Variants in SPATS2 observed in about 807,000 individuals in gnomAD.
SPATS2 encodes spermatogenesis associated serine rich 2, also known as spermatogenesis-associated serine-rich protein 2.
SPATS2 carries 38 observed loss-of-function variants against 63.7 expected under a neutral mutation model. The ratio of observed to expected loss-of-function variants is 0.60; its 90% CI spans 0.46 to 0.78. The LOEUF is 0.78. Ranked by LOEUF, SPATS2 falls within the 30% of genes least tolerant of loss-of-function variation. The pLI is 0.00. For synonymous variants in SPATS2, 207 were observed against 232.9 expected, an observed-to-expected ratio of 0.89 and a Z score of 1.01; for missense variants, 588 against 666.2, an observed-to-expected ratio of 0.88 and a Z score of 1.29.
At chr12:49,440,064 C>G (rs188929408) in intron 2 of SPATS2, among the ~76,000 whole-genome samples, 20 of 152,274 alleles carry the variant, frequency 1.3e-4, no homozygotes, top group African/African-American at 4.8e-4. Context: ...CTCTGATATG[C>G]TTTCTTTAGC....
intron 2 of SPATS2, among the ~76,000 whole-genome samples, chr12:49,442,850 T>C (rs1945447183): frequency 6.9e-6 from 1 of 143,910 alleles, no homozygotes; most frequent in African/African-American, 2.5e-5. Context: ...ACCATTCATG[T>C]CCAGAACTCT....
At chr12:49,397,299 A>G (rs950850527) in intron 2 of SPATS2, among the ~76,000 whole-genome samples, 18 of 152,122 alleles carry the variant, frequency 1.2e-4, no homozygotes, top group African/African-American at 4.3e-4. Context: ...TTTTATTAGA[A>G]TGTAAACTGT....
chr12:49,372,765 G>A (rs567762211), intron 2 of SPATS2, among the ~76,000 whole-genome samples: 18 of 151,840 alleles, frequency 1.2e-4, no homozygotes, highest in Middle Eastern at 6.8e-3. Flanking sequence ...TATTTCGAGC[G>A]GATACCTGGA....
intron 9 of SPATS2, among the ~76,000 whole-genome samples, chr12:49,507,067 G>T (rs1266183982): frequency 6.6e-6 from 1 of 152,150 alleles, no homozygotes; most frequent in African/African-American, 2.4e-5. Context: ...GTTCAATAAA[G>T]TAAAACTATA....
chr12:49,374,089 TA>T (rs553761283), intron 2 of SPATS2, among the ~76,000 whole-genome samples: 261 of 144,148 alleles, frequency 1.8e-3, no homozygotes, highest in East Asian at 3.6e-3. Context: ...CTCTAAACAA[TA>T]AAAAAAAAAA....
At chr12:49,459,705 T>C (rs1434343146) in intron 2 of SPATS2, among the ~76,000 whole-genome samples, 1 of 148,430 alleles carries the variant, frequency 6.7e-6, no homozygotes, top group Non-Finnish European at 1.5e-5. Flanking sequence ...GTCCATTCTT[T>C]GGGTTTGTAC....
chr12:49,496,955 C>CA lies in SPATS2; in HGVS notation c.650dup (p.Phe218ValfsTer15). 6.2e-7 allele frequency: 1 copy of CA among 1,605,530 alleles called. No individual in the cohort carries two copies. Among genetic ancestry groups the CA allele is most frequent in the Non-Finnish European group, 8.5e-7 (1 of 1,176,560 alleles). ...TCTCTCAAGACCTACCACAGAAACTCAGTTTTCAAATATGGGGATGGAAGA... is the reference window on the plus strand; with the variant it reads ...TCTCTCAAGACCTACCACAGAAACTCAAGTTTTCAAATATGGGGATGGAAGA... On this transcript the variant is annotated frameshift_variant, in exon 8 of 14. Coordinates refer to ENST00000552918, the MANE Select transcript of SPATS2 (RefSeq NM_023071.4). LOFTEE classifies it high-confidence loss of function.
chr12:49,503,239 A>G (rs1946595941), intron 9 of SPATS2, among the ~76,000 whole-genome samples: 1 of 152,058 alleles, frequency 6.6e-6, no homozygotes, highest in African/African-American at 2.4e-5. Context: ...AATCCCAGCT[A>G]CTAGGGAGGC....
chr12:49,503,979 G>A (rs1286559572), intron 9 of SPATS2, among the ~76,000 whole-genome samples: 2 of 152,150 alleles, frequency 1.3e-5, no homozygotes, highest in Non-Finnish European at 2.9e-5. Context: ...GCCCTTTCCT[G>A]CTAGTATAAA....
intron 2 of SPATS2, among the ~76,000 whole-genome samples, chr12:49,394,932 G>A (rs572824219): frequency 1.6e-4 from 25 of 151,930 alleles, no homozygotes; most frequent in Non-Finnish European, 2.9e-5. Flanking sequence ...ATTTAGCTGG[G>A]CTTGGTGGCA....
At chr12:49,441,805 A>G (rs1396687734) in intron 2 of SPATS2, 2 of 152,220 alleles carry the variant, frequency 1.3e-5, no homozygotes, top group East Asian at 3.8e-4. Flanking sequence ...TCAGATGTTG[A>G]TAAGCCGTTA....
intron 1 of SPATS2, among the ~76,000 whole-genome samples, chr12:49,368,817 C>T (rs956107279): frequency 6.6e-6 from 1 of 151,950 alleles, no homozygotes; most frequent in African/African-American, 2.4e-5. Flanking sequence ...CATGTTAAGC[C>T]TTTTATTTGT....
At chr12:49,522,376 T>C (rs1361803792) in intron 11 of SPATS2, among the ~76,000 whole-genome samples, 1 of 152,228 alleles carries the variant, frequency 6.6e-6, no homozygotes, top group Non-Finnish European at 1.5e-5. Context: ...GGTATCATTG[T>C]AGTACCTTGT....
intron 2 of SPATS2, among the ~76,000 whole-genome samples, chr12:49,418,561 A>G (rs2137404703): frequency 6.6e-6 from 1 of 152,218 alleles, no homozygotes; most frequent in East Asian, 1.9e-4. Context: ...CAGCCTGCCA[A>G]AAGTGCTGGG....
At chr12:49,504,066 T>C (rs988248358) in intron 9 of SPATS2, among the ~76,000 whole-genome samples, 12 of 152,326 alleles carry the variant, frequency 7.9e-5, no homozygotes, top group African/African-American at 2.9e-4. Flanking sequence ...CAAGACATAA[T>C]TGGCAAGTGA....
intron 2 of SPATS2, among the ~76,000 whole-genome samples, chr12:49,426,085 T>TA (rs1211392887): frequency 2.0e-5 from 3 of 152,312 alleles, no homozygotes; most frequent in Admixed American, 1.3e-4. Context: ...CCTTTTAGCC[T>TA]ACCAGTGTTC....
At chr12:49,497,473 C>T in intron 8 of SPATS2, among the ~76,000 whole-genome samples, 1 of 151,656 alleles carries the variant, frequency 6.6e-6, no homozygotes, top group South Asian at 2.1e-4. Context: ...TGGCTCACTG[C>T]AAGCTCCGCC....
At chr12:49,492,771 C>G (rs748648327) in intron 6 of SPATS2, among the ~76,000 whole-genome samples, 9 of 151,992 alleles carry the variant, frequency 5.9e-5, no homozygotes, top group Non-Finnish European at 1.3e-4. Context: ...GATATGAAAA[C>G]TTAGCCAGTT....
At chr12:49,392,984 G>A (rs1393671636) in intron 2 of SPATS2, among the ~76,000 whole-genome samples, 3 of 151,946 alleles carry the variant, frequency 2.0e-5, no homozygotes, top group Non-Finnish European at 2.9e-5. Context: ...CCCAGGGGGC[G>A]GAGGTTGTAG....
Sources: allele counts gnomAD v4.1 joint callset (sites outside exome capture counted in the v4.1 genomes callset), GRCh38; gene constraint gnomAD v4.1.1; transcripts MANE v1.5; gene names NCBI Gene and HGNC (gene_info 2026-07-23, HGNC 2026-07-21).